Variants in CEP104 observed in about 807,000 individuals in gnomAD.
The protein encoded by CEP104 is centrosomal protein of 104 kDa.
CEP104 carries 84 observed loss-of-function variants against 113.3 expected under a neutral mutation model. The ratio of observed to expected loss-of-function variants is 0.74; its 90% confidence interval spans 0.62 to 0.89. The LOEUF is 0.89. Ranked by LOEUF, CEP104 falls within the 40% of genes least tolerant of loss-of-function variation. The pLI is 0.00. For synonymous variants in CEP104, 378 were observed against 421.7 expected (o/e 0.90, Z 1.27); for missense variants, 1,053 against 1,156.6 (o/e 0.91, Z 1.30).
chr1:3,818,345 C>T (rs913579089), intron 20 of CEP104, among the ~76,000 whole-genome samples: 1 of 152,222 alleles, frequency 6.6e-6, no homozygotes, highest in Non-Finnish European at 1.5e-5. Context: ...CCGGCCTGCG[C>T]GTCTGACAGG....
chr1:3,837,420 C>T lies in CEP104; in HGVS notation c.991G>A (p.Gly331Arg), dbSNP rs776762216. The T allele has an allele frequency of 1.9e-6, 3 of 1,614,088 alleles. No individual in the cohort carries two copies. The highest frequency in any genetic ancestry group is 2.2e-5 in the East Asian group (1 of 44,904). The change falls in exon 9 of 22, where the codon GGA becomes AGA. Residue 331 changes from glycine (G) to arginine (R), a missense_variant. Gly to Arg is a moderately radical substitution (Grantham distance 125, BLOSUM62 -2). Coordinates refer to ENST00000378230, the MANE Select transcript of CEP104 (RefSeq NM_014704.4). ...GGTTCTGCAAACTGGTTTTCTGTTC[C>T]TCTTTCTTCCAGTTGTGGTAGTGAG... ...MPSLPQLEERGTENQFAEPFL... is the reference protein window; with the variant it reads ...MPSLPQLEERRTENQFAEPFL...
At chr1:3,833,142 G>A (rs556633125) in intron 12 of CEP104, among the ~76,000 whole-genome samples, 16 of 152,018 alleles carry the variant, frequency 1.1e-4, no homozygotes, top group East Asian at 1.9e-4. Flanking sequence ...CACCACACCC[G>A]GCTAATTTTT....
At chr1:3,841,870 G>A (rs1475509223) in intron 6 of CEP104, among the ~76,000 whole-genome samples, 1 of 152,200 alleles carries the variant, frequency 6.6e-6, no homozygotes, top group Non-Finnish European at 1.5e-5. Flanking sequence ...AATCAGTTTG[G>A]TTGTTCCTGC....
rs557474781 is a variant in CEP104, at chr1:3,844,056, C to A, written c.566+851G>T. Among the ~76,000 whole-genome samples the A allele has an allele frequency of 2.6e-5, 4 of 152,230 alleles. No individual in the cohort carries two copies. The South Asian group carries it at 6.2e-4, about 24-fold the overall frequency. On this transcript the variant is annotated intron_variant, in intron 6 of 21. Coordinates refer to ENST00000378230, the MANE Select transcript of CEP104 (RefSeq NM_014704.4). ...GATTACAGGCGTGAGCCACTGCACC[C>A]GGCAAAATTGTGTTTTTAAAAACGT...
In CEP104 at chr1:3,831,099, G is replaced by A; in HGVS notation, c.1783C>T (p.Leu595=). The A allele has an allele frequency of 6.2e-7, 1 of 1,614,212 alleles. No individual in the cohort carries two copies. Among genetic ancestry groups the A allele is most frequent in the Non-Finnish European group, 8.5e-7 (1 of 1,180,044 alleles). The change falls in exon 13 of 22, where the codon CTG becomes TTG. Residue 595 remains leucine, a synonymous_variant. Transcript: ENST00000378230. ...GAGCTGCCAGTGCCCAGGTCTTTCA[G>A]CAGCCGGGCCAGGAGGCCCATCTGA... ...MSQMGLLARL[L]KDLGTGSSGF...
At chr1:3,828,852 T>TAA (rs70940326) in intron 15 of CEP104, among the ~76,000 whole-genome samples, 81,174 of 151,792 alleles carry the variant, frequency 0.53, 22,571 homozygotes, top group African/African-American at 0.66. Context: ...CCCACAGGCT[T>TAA]AGAGTAAGGG....
intron 20 of CEP104, among the ~76,000 whole-genome samples, chr1:3,820,460 C>T (rs1349860484): frequency 2.9e-5 from 1 of 33,936 alleles, no homozygotes; most frequent in East Asian, 6.8e-4. Flanking sequence ...AAAGCAGCCC[C>T]TGGAGGAAGG....
chr1:3,823,360 G>A lies in CEP104; in HGVS notation c.2503+64C>T. 6.2e-7 allele frequency: 1 copy of A among 1,612,488 alleles called. No individual in the cohort carries two copies. The highest frequency in any genetic ancestry group is 8.5e-7 in the Non-Finnish European group (1 of 1,178,586). ...GCCCTTGCACAGGCTCAAGAGCAGT[G>A]GCACTTCCTCCAAGAGGACCCCTGG... is the stretch of plus-strand genomic sequence containing the variant. On this transcript the variant is annotated intron_variant, in intron 19 of 21. Coordinates refer to ENST00000378230, the MANE Select transcript of CEP104 (RefSeq NM_014704.4). This position sits in a 1 kb window ranked among gnomAD's most constrained non-coding sequence, Gnocchi z 4.1.
At chr1:3,856,544 C>T (rs532582280) in intron 1 of CEP104, among the ~76,000 whole-genome samples, 3 of 152,372 alleles carry the variant, frequency 2.0e-5, no homozygotes, top group Admixed American at 6.5e-5. Flanking sequence ...AACTTTTGCT[C>T]AGCAGAACAC....
At chr1:3,837,576 T>G in intron 8 of CEP104, 57 bp from the exon 9 acceptor site, 1 of 1,381,286 alleles carries the variant, frequency 7.2e-7, no homozygotes, top group Non-Finnish European at 1.0e-6. Context: ...CAGATATATC[T>G]ATCTCATTCC....
rs1053851258 is a variant in CEP104, at chr1:3,826,499, C to G, written c.2189-63G>C. The G allele has an allele frequency of 2.1e-6, 3 of 1,463,164 alleles. No individual in the cohort carries two copies. In the African/African-American group the frequency reaches 4.3e-5, roughly 21 times the overall value. The allele number at this position is 1,463,164 out of a possible 1,614,324, so 90.6% of individuals were successfully genotyped here. A position where few individuals can be genotyped will look rare whatever the true frequency, so the allele number is the denominator to read the frequency against. ...AAATTATTTTCAAAATTTTAGTAAG[C>G]AGTTTGATGTGAGCTCTAAAACGAT... is the stretch of plus-strand genomic sequence containing the variant. On this transcript the variant is annotated intron_variant, in intron 16 of 21. Transcript: ENST00000378230.
At chr1:3,836,948 A>G (rs182146513) in intron 9 of CEP104, 3 of 518,804 alleles carry the variant, frequency 5.8e-6, no homozygotes, top group Admixed American at 3.6e-5. Context: ...TTCCACCTCA[A>G]TGACTGTTTA....
chr1:3,830,267 C>T (rs993480187), intron 13 of CEP104, among the ~76,000 whole-genome samples: 22 of 151,922 alleles, frequency 1.4e-4, no homozygotes, highest in Non-Finnish European at 2.8e-4. Flanking sequence ...TCTCGGGGGC[C>T]CACAGTTTCT....
intron 6 of CEP104, among the ~76,000 whole-genome samples, chr1:3,840,886 C>T (rs1328853566): frequency 6.6e-6 from 1 of 152,196 alleles, no homozygotes; most frequent in African/African-American, 2.4e-5. Flanking sequence ...GAATTGCTAC[C>T]ACTGAGGTTT....
chr1:3,848,079 T>G (rs1166122901), intron 3 of CEP104, among the ~76,000 whole-genome samples: 2 of 152,134 alleles, frequency 1.3e-5, no homozygotes, highest in African/African-American at 4.8e-5. Flanking sequence ...TAAGAAAATT[T>G]CCACATCTGA....
intron 20 of CEP104, among the ~76,000 whole-genome samples, chr1:3,820,127 C>A (rs35265446): frequency 0.13 from 19,902 of 152,090 alleles, 1,703 homozygotes; most frequent in African/African-American, 0.24. Context: ...ACAGGGAAAG[C>A]AGATGACACA....
intron 13 of CEP104, among the ~76,000 whole-genome samples, chr1:3,830,549 G>A (rs530295645): frequency 3.9e-4 from 60 of 152,078 alleles, no homozygotes; most frequent in Non-Finnish European, 4.3e-4. Flanking sequence ...TGAGGCGGGC[G>A]GATCACGAGG....
intron 6 of CEP104, among the ~76,000 whole-genome samples, chr1:3,841,278 C>A (rs1414329152): frequency 2.6e-5 from 4 of 152,264 alleles, no homozygotes; most frequent in African/African-American, 9.6e-5. Flanking sequence ...CCTTTAAGCA[C>A]TCACAGCCCC....
intron 4 of CEP104, among the ~76,000 whole-genome samples, chr1:3,845,947 C>A (rs1327534687): frequency 1.3e-5 from 2 of 152,006 alleles, no homozygotes; most frequent in African/African-American, 4.8e-5. Context: ...ATTAGCCAGG[C>A]ACATGCCTGT....
Sources: allele counts gnomAD v4.1 joint callset (sites outside exome capture counted in the v4.1 genomes callset), GRCh38; gene constraint gnomAD v4.1.1; non-coding constraint Gnocchi (gnomAD v3.1); transcripts MANE v1.5; gene names NCBI Gene and HGNC (gene_info 2026-07-23, HGNC 2026-07-21).